The following OXNAD1 variants were observed in gnomAD, a reference collection of about 807,000 sequenced individuals.
OXNAD1 encodes the protein oxidoreductase NAD binding domain containing 1.
A neutral mutation model predicts 32.9 loss-of-function variants in OXNAD1; 34 were observed. The ratio of observed to expected loss-of-function variants is 1.03; its 90% CI spans 0.79 to 1.38. The LOEUF (loss-of-function observed/expected upper bound fraction) is 1.38. OXNAD1 is among the 40% of genes most tolerant of loss of function. The pLI, the probability that OXNAD1 is intolerant of heterozygous loss-of-function variation, is 0.00. For missense variants in OXNAD1, 407 were observed against 379.4 expected (o/e 1.07, Z -0.60); for synonymous variants, 134 against 135.2 (o/e 0.99, Z 0.06).
At position 16,346,112 on chromosome 3, in the gene OXNAD1, C is replaced by G. The variant is rs1189310842; in HGVS notation, c.*31-3064C>G. The G allele has an allele frequency of 6.6e-6, 1 of 152,128 alleles. No homozygotes were observed. Among genetic ancestry groups the G allele is most frequent in the Non-Finnish European group, 1.5e-5 (1 of 68,042 alleles). The allele number at this position is 152,128 out of a possible 1,614,324, so 9.4% of individuals were successfully genotyped here. A position where few individuals can be genotyped will look rare whatever the true frequency, so the allele number is the denominator to read the frequency against. On this transcript the variant is annotated intron_variant, in intron 9 of 9. Transcript: ENST00000606098. This position sits in a 1 kb window ranked among gnomAD's most constrained non-coding sequence, Gnocchi z 4.4. ...TCCTATGATTTAGGGTCTTCCAGCA[C>G]CCCTCAGGAAGCTTGACAATGAAGA...
intron 9 of OXNAD1, among the ~76,000 whole-genome samples, chr3:16,318,349 G>T (rs1164010098): frequency 6.6e-6 from 1 of 152,114 alleles, no homozygotes; most frequent in African/African-American, 2.4e-5. Flanking sequence ...ATATAATTGA[G>T]AGAAAAAGGG....
chr3:16,290,859 GCTTTT>G lies in OXNAD1; in HGVS notation c.291-3991_291-3987del, dbSNP rs377300503. Among the ~76,000 whole-genome samples, 860 of 152,252 alleles carry G rather than the reference GCTTTT, an allele frequency of 5.6e-3. 7 individuals carry two copies. The highest frequency in any genetic ancestry group is 0.02 in the African/African-American group (812 of 41,562). ...TAGATCAGATTAGAGAACATCTTTT[GCTTTT>G]CTTTTAGGCCTGTATGTAGGTAAGC... On this transcript the variant is annotated intron_variant, in intron 5 of 8. Transcript: ENST00000285083. This position sits in a 1 kb window ranked among gnomAD's most constrained non-coding sequence, Gnocchi z 4.2.
intron 9 of OXNAD1, among the ~76,000 whole-genome samples, chr3:16,330,160 T>C (rs1211983805): frequency 2.0e-5 from 3 of 152,204 alleles, no homozygotes; most frequent in African/African-American, 4.8e-5. Context: ...TTGAGAGAGC[T>C]GAAGGTTCAA....
chr3:16,270,698 A>G (rs1337056908), intron 2 of OXNAD1, among the ~76,000 whole-genome samples: 1 of 152,230 alleles, frequency 6.6e-6, no homozygotes, highest in Non-Finnish European at 1.5e-5. Flanking sequence ...GATAGAGAAC[A>G]TGAATATTTG....
rs2066152835 is a variant in OXNAD1 at position 16,287,504 on chromosome 3, C to T, written c.290+1056C>T. 6.6e-6 allele frequency among the ~76,000 whole-genome samples: 1 copy of T among 152,212 alleles called. No individual in the cohort carries two copies. Among genetic ancestry groups the T allele is most frequent in the Admixed American group, 6.5e-5 (1 of 15,290 alleles). On this transcript the variant is annotated intron_variant, in intron 5 of 8. Coordinates refer to ENST00000285083, the MANE Select transcript of OXNAD1 (RefSeq NM_138381.5). This position sits in a 1 kb window ranked among gnomAD's most constrained non-coding sequence, Gnocchi z 4.8. Reference sequence around the variant, plus strand: ...AATGCATTTTGCCTGTTTTAGGGGGCGGGCAACATATTTACCCTTCAAAAA... The same window carrying T: ...AATGCATTTTGCCTGTTTTAGGGGGTGGGCAACATATTTACCCTTCAAAAA...
At position 16,348,980 on chromosome 3, in the gene OXNAD1, G is replaced by T. The variant is rs1380894908; in HGVS notation, c.*31-196G>T. Reference sequence around the variant, plus strand: ...AAAAGAGGTAAAAGAGGGACAGACAGCCATCCCAGGCTCCACTATCCAAGG... The same window carrying T: ...AAAAGAGGTAAAAGAGGGACAGACATCCATCCCAGGCTCCACTATCCAAGG... On this transcript the variant is annotated intron_variant, in intron 9 of 9. Transcript: ENST00000606098. The surrounding 1 kb of genome is among the most constrained non-coding windows in gnomAD (Gnocchi z 6.3). Among the ~76,000 whole-genome samples, 2 of 152,200 alleles carry T rather than the reference G, an allele frequency of 1.3e-5. No homozygotes were observed. Among genetic ancestry groups the T allele is most frequent in the South Asian group, 2.1e-4 (1 of 4,830 alleles).
Position 16,335,377 on chromosome 3 carries a change from TAAG to T in OXNAD1, c.*31-1731_*31-1729del, listed in dbSNP as rs1291429239. Reference sequence around the variant, plus strand: ...GACAATCCTGCATGGGAAACAGGCTTAAGAAGGGAGTTTGTACCACATTTTCTT... The same window carrying T: ...GACAATCCTGCATGGGAAACAGGCTTAAGGGAGTTTGTACCACATTTTCTT... On this transcript the variant is annotated intron_variant, in intron 9 of 9. Coordinates refer to the OXNAD1 transcript ENST00000435829. The surrounding 1 kb of genome is among the most constrained non-coding windows in gnomAD (Gnocchi z 4.7). 6.6e-6 allele frequency among the ~76,000 whole-genome samples: 1 copy of T among 152,146 alleles called. No homozygotes were observed. Among genetic ancestry groups the T allele is most frequent in the Non-Finnish European group, 1.5e-5 (1 of 68,038 alleles).
Position 16,335,332 on chromosome 3 carries a change from T to G in OXNAD1, c.*31-1780T>G, listed in dbSNP as rs2070741111. Among the ~76,000 whole-genome samples, 1 of 151,774 alleles carries G rather than the reference T, an allele frequency of 6.6e-6. No homozygotes were observed. The highest frequency in any genetic ancestry group is 3.4e-3 in the Middle Eastern group (1 of 294). ...AGAAGATGAACGAAAATGGGCTGAGTGGGAAGGAATCAGCCCTTGGACAAT... is the reference window on the plus strand; with the variant it reads ...AGAAGATGAACGAAAATGGGCTGAGGGGGAAGGAATCAGCCCTTGGACAAT... On this transcript the variant is annotated intron_variant, in intron 9 of 9. Transcript: ENST00000435829. The surrounding 1 kb of genome is among the most constrained non-coding windows in gnomAD (Gnocchi z 4.7).
rs1188201758 is a variant in OXNAD1, at chr3:16,280,770, AACCAGCTTTTTAAAC to A, written c.184-5570_184-5556del. ...GGTAACATCAAAATATCCTACATAA[AACCAGCTTTTTAAAC>A]AAGTGTGATGGAATTTCCTTTTAGA... On this transcript the variant is annotated intron_variant, in intron 4 of 8. Transcript: ENST00000285083. The surrounding 1 kb of genome is among the most constrained non-coding windows in gnomAD (Gnocchi z 4.5). Among the ~76,000 whole-genome samples the A allele has an allele frequency of 4.6e-5, 7 of 152,208 alleles. No homozygotes were observed. The highest frequency in any genetic ancestry group is 4.6e-4 in the Admixed American group (7 of 15,302).
chr3:16,293,758 C>T (rs1409716023), intron 5 of OXNAD1, among the ~76,000 whole-genome samples: 3 of 152,230 alleles, frequency 2.0e-5, no homozygotes, highest in African/African-American at 7.2e-5. Context: ...AAACTTTCAG[C>T]ATTTCACCAT....
chr3:16,292,890 C>T (rs2125062208), intron 5 of OXNAD1, among the ~76,000 whole-genome samples: 1 of 152,234 alleles, frequency 6.6e-6, no homozygotes, highest in South Asian at 2.1e-4. Context: ...CATGTCTGTC[C>T]TTATGTCAGT....
At chr3:16,281,440 A>G (rs1300566916) in intron 4 of OXNAD1, among the ~76,000 whole-genome samples, 1 of 152,236 alleles carries the variant, frequency 6.6e-6, no homozygotes, top group African/African-American at 2.4e-5. Flanking sequence ...GGAAATGCTC[A>G]TTGGAGCCTT....
downstream of OXNAD1, among the ~76,000 whole-genome samples, chr3:16,342,036 TTTA>T (rs1368171785): frequency 1.3e-5 from 2 of 152,320 alleles, no homozygotes; most frequent in South Asian, 2.1e-4. This position sits in a 1 kb window ranked among gnomAD's most constrained non-coding sequence, Gnocchi z 4.0. Flanking sequence ...TTTCAACATC[TTTA>T]TTGATATATA....
Position 16,298,135 on chromosome 3 carries a change from GTC to G in OXNAD1, c.432+3143_432+3144del, listed in dbSNP as rs977987971. ...ACATTTTTACCCTGCAACCTTCTGA[GTC>G]TCTCCGTCAGTGTGGCCTCAGCTGC... On this transcript the variant is annotated intron_variant, in intron 6 of 8. Coordinates refer to ENST00000285083, the MANE Select transcript of OXNAD1 (RefSeq NM_138381.5). The surrounding 1 kb of genome is among the most constrained non-coding windows in gnomAD (Gnocchi z 5.1). Among the ~76,000 whole-genome samples, 3 of 152,102 alleles carry G rather than the reference GTC, an allele frequency of 2.0e-5. No individual in the cohort carries two copies. Among genetic ancestry groups the G allele is most frequent in the African/African-American group, 7.2e-5 (3 of 41,392 alleles).
At position 16,287,567 on chromosome 3, in the gene OXNAD1, A is replaced by G. The variant is rs2125045531; in HGVS notation, c.290+1119A>G. ...CATTATATTGAAAAGTGGAAACTTT[A>G]ATTGTAATGATCTGTTTTCCATATT... On this transcript the variant is annotated intron_variant, in intron 5 of 8. Coordinates refer to ENST00000285083, the MANE Select transcript of OXNAD1 (RefSeq NM_138381.5). This position sits in a 1 kb window ranked among gnomAD's most constrained non-coding sequence, Gnocchi z 4.8. Among the ~76,000 whole-genome samples, 1 of 152,354 alleles carries G rather than the reference A, an allele frequency of 6.6e-6. No homozygotes were observed. The highest frequency in any genetic ancestry group is 2.1e-4 in the South Asian group (1 of 4,834).
intron 4 of OXNAD1, chr3:16,275,402 T>C (rs940406875): frequency 6.6e-6 from 1 of 152,254 alleles, no homozygotes; most frequent in African/African-American, 2.4e-5. Context: ...AGACCCAGTC[T>C]CTGCAAAAAG....
downstream of OXNAD1, among the ~76,000 whole-genome samples, chr3:16,340,738 C>G (rs1435651266): frequency 6.6e-6 from 1 of 152,190 alleles, no homozygotes; most frequent in African/African-American, 2.4e-5. Flanking sequence ...ATCCCTACCC[C>G]TCACCTTCTT....
intron 2 of OXNAD1, 112 bp from the exon 3 acceptor site, chr3:16,270,833 C>T (rs1277612695): frequency 3.4e-6 from 5 of 1,465,136 alleles, no homozygotes; most frequent in Middle Eastern, 2.0e-4. Flanking sequence ...TAACTTGACT[C>T]ATAATAGCAC....
At position 16,289,998 on chromosome 3, in the gene OXNAD1, T is replaced by C. The variant is rs1271797206; in HGVS notation, c.290+3550T>C. Among the ~76,000 whole-genome samples, 1 of 152,168 alleles carries C rather than the reference T, an allele frequency of 6.6e-6. No individual in the cohort carries two copies. The highest frequency in any genetic ancestry group is 1.5e-5 in the Non-Finnish European group (1 of 68,044). ...GGTAGGCAGGTGCTCTCTTAGATGT[T>C]TGCATTAAGTGAATGAGTGAGGGGC... is the stretch of plus-strand genomic sequence containing the variant. On this transcript the variant is annotated intron_variant, in intron 5 of 8. Transcript: ENST00000285083. The surrounding 1 kb of genome is among the most constrained non-coding windows in gnomAD (Gnocchi z 4.9).
Sources: allele counts gnomAD v4.1 joint callset (sites outside exome capture counted in the v4.1 genomes callset), GRCh38; gene constraint gnomAD v4.1.1; non-coding constraint Gnocchi (gnomAD v3.1); transcripts MANE v1.5; gene names NCBI Gene and HGNC (gene_info 2026-07-23, HGNC 2026-07-21).